CNTNAP5: variants seen among roughly 807,000 people sequenced by gnomAD.
The protein encoded by CNTNAP5 is contactin associated protein family member 5, also known as contactin-associated protein-like 5.
Under a neutral mutation model 150.2 loss-of-function variants are expected in CNTNAP5, and 72 were observed. That is an observed-to-expected ratio of 0.48 (90% CI 0.40 to 0.58). The LOEUF (loss-of-function observed/expected upper bound fraction) is 0.58, where lower values mean the gene tolerates loss of function less well. CNTNAP5 is among the 20% of genes least tolerant of loss of function. CNTNAP5 has a pLI of 0.00. For synonymous variants in CNTNAP5, 672 were observed against 619.8 expected, an observed-to-expected ratio of 1.08 and a Z score of -1.25; for missense variants, 1,636 against 1,626.2, an observed-to-expected ratio of 1.01 and a Z score of -0.10.
intron 13 of CNTNAP5, among the ~76,000 whole-genome samples, chr2:124,662,568 A>G (rs1678614920): frequency 1.3e-5 from 2 of 152,220 alleles, no homozygotes. Context: ...GGAAATGGAC[A>G]CTTAGAGGTG....
chr2:124,078,414 T>G (rs894622499), intron 1 of CNTNAP5, among the ~76,000 whole-genome samples: 39 of 152,350 alleles, frequency 2.6e-4, no homozygotes, highest in African/African-American at 8.2e-4. Flanking sequence ...AATTCTGGGT[T>G]GAAGTCTATA....
chr2:124,423,918 C>T (rs111636261), intron 4 of CNTNAP5, among the ~76,000 whole-genome samples: 1 of 151,902 alleles, frequency 6.6e-6, no homozygotes, highest in Non-Finnish European at 1.5e-5. Context: ...CCCGCCTCGG[C>T]CTCCCAAAGT....
intron 10 of CNTNAP5, among the ~76,000 whole-genome samples, chr2:124,559,803 CAT>C (rs1474872075): frequency 2.0e-5 from 3 of 152,164 alleles, no homozygotes; most frequent in Admixed American, 6.5e-5. Flanking sequence ...AAATTGGTGT[CAT>C]GTGTCTTTTA....
intron 1 of CNTNAP5, among the ~76,000 whole-genome samples, chr2:124,090,855 A>G (rs1173936355): frequency 1.3e-5 from 2 of 152,250 alleles, no homozygotes; most frequent in African/African-American, 4.8e-5. Flanking sequence ...AATGCTGCAC[A>G]GTAACTGAAA....
intron 12 of CNTNAP5, among the ~76,000 whole-genome samples, chr2:124,618,358 G>C (rs553097113): frequency 6.6e-6 from 1 of 152,316 alleles, no homozygotes; most frequent in South Asian, 2.1e-4. Flanking sequence ...CTTGAGGACA[G>C]TGGATCTCTC....
intron 1 of CNTNAP5, among the ~76,000 whole-genome samples, chr2:124,038,512 C>T (rs1681282348): frequency 6.6e-6 from 1 of 152,112 alleles, no homozygotes; most frequent in African/African-American, 2.4e-5. Context: ...TATTCTGAGG[C>T]TTTTCACACT....
intron 7 of CNTNAP5, among the ~76,000 whole-genome samples, chr2:124,494,082 CTGTG>C (rs991017149): frequency 1.0e-5 from 1 of 98,298 alleles, no homozygotes; most frequent in African/African-American, 4.0e-5. Context: ...GTGTGTGTGT[CTGTG>C]TGTGTGTGTG....
chr2:124,498,885 G>T (rs991751155), intron 7 of CNTNAP5, among the ~76,000 whole-genome samples: 3 of 152,110 alleles, frequency 2.0e-5, no homozygotes, highest in African/African-American at 7.2e-5. Flanking sequence ...TGGGTCTTCA[G>T]TCTCAGATAC....
At chr2:124,705,682 G>T (rs541404123) in intron 13 of CNTNAP5, among the ~76,000 whole-genome samples, 6 of 151,480 alleles carry the variant, frequency 4.0e-5, no homozygotes, top group Admixed American at 6.6e-5. Context: ...TAAAACAAAT[G>T]ATTTTTTAAT....
intron 11 of CNTNAP5, among the ~76,000 whole-genome samples, chr2:124,564,223 G>A (rs1186832518): frequency 6.6e-6 from 1 of 152,210 alleles, no homozygotes; most frequent in African/African-American, 2.4e-5. Context: ...TCAGATGGCT[G>A]GAGGGTGCTG....
At chr2:124,357,023 A>G (rs1690030294) in intron 3 of CNTNAP5, among the ~76,000 whole-genome samples, 1 of 152,034 alleles carries the variant, frequency 6.6e-6, no homozygotes, top group Non-Finnish European at 1.5e-5. Context: ...ATGGTATCTC[A>G]TTGTGGTTTT....
intron 1 of CNTNAP5, among the ~76,000 whole-genome samples, chr2:124,039,489 T>C (rs1400589559): frequency 6.6e-6 from 1 of 152,166 alleles, no homozygotes; most frequent in African/African-American, 2.4e-5. Flanking sequence ...ATCTGTGAAA[T>C]AAATGGACCT....
At chr2:124,060,103 C>A (rs982658813) in intron 1 of CNTNAP5, among the ~76,000 whole-genome samples, 1 of 152,116 alleles carries the variant, frequency 6.6e-6, no homozygotes, top group Non-Finnish European at 1.5e-5. Context: ...TTAAGAAATT[C>A]TATTTTAGTG....
At chr2:124,025,823 C>G in intron 1 of CNTNAP5, 91 bp downstream of exon 1, 1 of 1,088,540 alleles carries the variant, frequency 9.2e-7, no homozygotes, top group Non-Finnish European at 1.4e-6. Context: ...TCGATTGTGT[C>G]TGCTTTGGGC....
chr2:124,152,736 G>A (rs1684435772), intron 1 of CNTNAP5, among the ~76,000 whole-genome samples: 1 of 152,066 alleles, frequency 6.6e-6, no homozygotes, highest in Non-Finnish European at 1.5e-5. Context: ...CAGATTGGAG[G>A]GACCACGGAC....
chr2:124,560,351 T>C (rs1313953474), intron 10 of CNTNAP5, among the ~76,000 whole-genome samples: 1 of 151,882 alleles, frequency 6.6e-6, no homozygotes, highest in African/African-American at 2.4e-5. Context: ...AAACCTCATC[T>C]CTACTAAAAA....
intron 3 of CNTNAP5, among the ~76,000 whole-genome samples, chr2:124,374,189 A>G (rs2104730286): frequency 6.6e-6 from 1 of 152,280 alleles, no homozygotes; most frequent in Non-Finnish European, 1.5e-5. Context: ...CAATTATATT[A>G]GAGAAATGTC....
At chr2:124,892,556 C>G (rs1208802019) in intron 21 of CNTNAP5, among the ~76,000 whole-genome samples, 1 of 152,070 alleles carries the variant, frequency 6.6e-6, no homozygotes, top group Non-Finnish European at 1.5e-5. Flanking sequence ...CTGTAGGAGG[C>G]AGAGAAGGGA....
chr2:124,657,672 C>T (rs955726598), intron 13 of CNTNAP5, among the ~76,000 whole-genome samples: 7 of 152,318 alleles, frequency 4.6e-5, no homozygotes, highest in African/African-American at 1.7e-4. Flanking sequence ...CTAACTGTAG[C>T]CTGCAGAGCT....
Sources: gnomAD v4.1 joint callset for allele counts (sites outside exome capture counted in the v4.1 genomes callset) on GRCh38, gnomAD v4.1.1 for gene constraint, MANE v1.5 for transcripts, NCBI Gene and HGNC (gene_info 2026-07-23, HGNC 2026-07-21) for gene names.